The following TEX52 variants were observed in gnomAD, a reference collection of about 807,000 sequenced individuals.
The protein encoded by TEX52 is testis expressed 52.
A neutral mutation model predicts 17.6 loss-of-function variants in TEX52; 22 were observed. The observed-to-expected ratio is 1.25, with a 90% confidence interval of 0.89 to 1.78. TEX52 has a LOEUF of 1.78. Among genes scored for constraint, TEX52 ranks in the 40% most tolerant of loss-of-function variants. The pLI is 0.00. For missense variants in TEX52, 396 were observed against 372.3 expected, an observed-to-expected ratio of 1.06 and a Z score of -0.52; for synonymous variants, 168 against 147.4, an observed-to-expected ratio of 1.14 and a Z score of -1.01.
chr12:2,847,748 T>C (rs377583602), downstream of TEX52, among the ~76,000 whole-genome samples: 1 of 152,076 alleles, frequency 6.6e-6, no homozygotes. Context: ...TATTCAACTT[T>C]CTGTCTCTAT....
At chr12:2,853,326 A>T (rs1425208672) in intron 2 of TEX52, among the ~76,000 whole-genome samples, 1 of 151,892 alleles carries the variant, frequency 6.6e-6, no homozygotes, top group South Asian at 2.1e-4. Flanking sequence ...CCCAGGCTGG[A>T]GTGCAGTGGC....
rs769370652 is a variant in TEX52 at position 2,856,966 on chromosome 12, G to T, written c.61C>A (p.Pro21Thr). 1.2e-4 allele frequency: 81 copies of T among 703,046 alleles called. No homozygotes were observed. The highest frequency in any genetic ancestry group is 1.1e-3 in the African/African-American group (62 of 57,398). 43.6% of individuals were successfully genotyped at this position (703,046 alleles called of 1,614,324 possible). A position where few individuals can be genotyped will look rare whatever the true frequency, so the allele number is the denominator to read the frequency against. Residue 21 changes from proline (P) to threonine (T), a missense_variant, in exon 1 of 3, where the codon CCT becomes ACT. By Grantham distance (38) the Pro-to-Thr change is conservative (BLOSUM62 -1). Transcript: ENST00000637658. The part of the protein sequence containing the change: ...GPSHPSHMEE[P>T]FLQMVQASES... ...GGGCCACCCCCTACCTGCAGGAAAG[G>T]TTCTTCCATATGAGATGGGTGACTG... is the stretch of plus-strand genomic sequence containing the variant.
intron 2 of TEX52, among the ~76,000 whole-genome samples, chr12:2,853,603 T>C (rs533609606): frequency 6.8e-6 from 1 of 147,110 alleles, no homozygotes; most frequent in South Asian, 2.4e-4. Context: ...TTGTTTTTGT[T>C]TTTGTTTTTG....
chr12:2,854,065 G>C (rs2098079641), intron 2 of TEX52, among the ~76,000 whole-genome samples: 2 of 152,054 alleles, frequency 1.3e-5, no homozygotes, highest in South Asian at 4.1e-4. Context: ...CTCTCTTGTT[G>C]CCCCGGCTGG....
At chr12:2,856,696 T>C (rs143506282) in intron 1 of TEX52, among the ~76,000 whole-genome samples, 1 of 152,308 alleles carries the variant, frequency 6.6e-6, no homozygotes, top group East Asian at 1.9e-4. Flanking sequence ...AACCCACCTG[T>C]TTCTTGAGCT....
Position 2,854,795 on chromosome 12 carries a change from G to C in TEX52, c.623+101C>G, listed in dbSNP as rs940629208. 3 of 1,234,378 alleles carry C rather than the reference G, an allele frequency of 2.4e-6. No individual in the cohort carries two copies. The Admixed American group carries it at 8.2e-5, about 34-fold the overall frequency. 76.5% of individuals were successfully genotyped at this position (1,234,378 alleles called of 1,614,324 possible). A position where few individuals can be genotyped will look rare whatever the true frequency, so the allele number is the denominator to read the frequency against. On this transcript the variant is annotated intron_variant, in intron 2 of 2. Transcript: ENST00000637658. ...AGTTTGGTTTTCAGATGGCCAGAGC[G>C]GGGAAGGACAGAGTCCCGGTTAGAA...
intron 2 of TEX52, among the ~76,000 whole-genome samples, chr12:2,852,788 G>A (rs538590460): frequency 3.7e-4 from 56 of 152,082 alleles, no homozygotes; most frequent in Non-Finnish European, 5.0e-4. Flanking sequence ...GCCTGAGGTC[G>A]GGAGTTCAAG....
At chr12:2,856,009 A>T (rs577675409) in intron 1 of TEX52, among the ~76,000 whole-genome samples, 10 of 152,256 alleles carry the variant, frequency 6.6e-5, no homozygotes, top group Non-Finnish European at 1.2e-4. Flanking sequence ...TATAGAAAGC[A>T]TCTAGAATGG....
intron 2 of TEX52, among the ~76,000 whole-genome samples, chr12:2,852,510 G>T (rs1032529380): frequency 6.6e-6 from 1 of 152,126 alleles, no homozygotes; most frequent in Non-Finnish European, 1.5e-5. Flanking sequence ...GGGATTATGG[G>T]CATGTGCCAC....
At chr12:2,850,989 T>G (rs1452986555) in intron 2 of TEX52, among the ~76,000 whole-genome samples, 1 of 141,046 alleles carries the variant, frequency 7.1e-6, no homozygotes, top group Non-Finnish European at 1.5e-5. Context: ...TTTTTTTTTT[T>G]TTTTTTTTTT....
At position 2,853,381 on chromosome 12, in the gene TEX52, C is replaced by T. The variant is rs532108636; in HGVS notation, c.623+1515G>A. Among the ~76,000 whole-genome samples, 9 of 152,022 alleles carry T rather than the reference C, an allele frequency of 5.9e-5. No homozygotes were observed. In the South Asian group the frequency reaches 6.2e-4, roughly 11 times the overall value. On this transcript the variant is annotated intron_variant, in intron 2 of 2. Transcript: ENST00000637658. ...TCCACCTCCCGGGTTCAAGTGATTC[C>T]CCTGCCTCAGCCTCCTGAGTAGCTG... is the stretch of plus-strand genomic sequence containing the variant.
In TEX52 at chr12:2,857,008, T is replaced by C. The variant is rs761232358; in HGVS notation, c.19A>G (p.Arg7Gly). MASNRQ[R>G]SLRGPSHPSH... Reference sequence around the variant, plus strand: ...GGGTGACTGGGCCCTCTGAGTGATCTTTGCCGGTTACTGGCCATTCTTCTG... The same window carrying C: ...GGGTGACTGGGCCCTCTGAGTGATCCTTGCCGGTTACTGGCCATTCTTCTG... Residue 7 changes from arginine (R) to glycine (G), a missense_variant, in exon 1 of 3, where the codon AGA (arginine) becomes GGA (glycine). Coordinates refer to ENST00000637658, the MANE Select transcript of TEX52 (RefSeq NM_001365174.2). The C allele has an allele frequency of 8.5e-6, 6 of 702,890 alleles. No individual in the cohort carries two copies. Among genetic ancestry groups the C allele is most frequent in the Non-Finnish European group, 1.6e-5 (6 of 385,006 alleles). 43.5% of individuals were successfully genotyped at this position (702,890 alleles called of 1,614,324 possible). A position where few individuals can be genotyped will look rare whatever the true frequency, so the allele number is the denominator to read the frequency against.
intron 2 of TEX52, among the ~76,000 whole-genome samples, chr12:2,853,658 A>G (rs1212406473): frequency 1.3e-5 from 2 of 150,522 alleles, no homozygotes; most frequent in Non-Finnish European, 2.9e-5. Context: ...CCAACTCCCC[A>G]GTGCTTTGGT....
intron 2 of TEX52, among the ~76,000 whole-genome samples, chr12:2,853,785 A>G (rs1241126350): frequency 1.3e-5 from 2 of 151,982 alleles, no homozygotes; most frequent in African/African-American, 4.8e-5. Flanking sequence ...GTGAGTTCCC[A>G]GGGTGGCCGG....
In TEX52 at chr12:2,851,291, T is replaced by C. The variant is rs539195033; in HGVS notation, c.624-1766A>G. Among the ~76,000 whole-genome samples, 5 of 152,208 alleles carry C rather than the reference T, an allele frequency of 3.3e-5. No homozygotes were observed. In the East Asian group the frequency reaches 9.7e-4, roughly 29 times the overall value. ...GAGTGAATGTGAAGGCCTAGGACAT[T>C]ACTGTACACTACTGTGGACTTCATA... is the stretch of plus-strand genomic sequence containing the variant. On this transcript the variant is annotated intron_variant, in intron 2 of 2. Transcript: ENST00000637658.
intron 2 of TEX52, among the ~76,000 whole-genome samples, chr12:2,854,173 C>T (rs1381245051): frequency 1.3e-5 from 2 of 151,944 alleles, no homozygotes; most frequent in Non-Finnish European, 2.9e-5. Flanking sequence ...TTGCAGGCAC[C>T]CATCACCACA....
At chr12:2,850,526 A>G (rs1387120614) in intron 2 of TEX52, among the ~76,000 whole-genome samples, 3 of 150,894 alleles carry the variant, frequency 2.0e-5, no homozygotes, top group Non-Finnish European at 2.9e-5. Context: ...ATGGGCTGCC[A>G]GGTTTACATG....
rs896616910 is a variant in TEX52, at chr12:2,849,311, A to T, written c.838T>A (p.Leu280Ile). The T allele has an allele frequency of 1.2e-5, 19 of 1,535,932 alleles. No individual in the cohort carries two copies. In the East Asian group the frequency reaches 2.2e-4, roughly 18 times the overall value. ...GCCTTGGAGAGATGGTGGAGGGGTA[A>T]GGCAGTTCTGTCCTTTATCAGGGTT... The part of the protein sequence containing the change: ...FQTLIKDRTA[L>I]PLHHLSKAQA... Residue 280 changes from leucine to isoleucine, a missense_variant, in exon 3 of 3, where the codon TTA (leucine) becomes ATA (isoleucine). Physicochemically the swap from Leu to Ile is conservative, Grantham distance 5. Transcript: ENST00000637658.
At chr12:2,852,364 G>T (rs1240638816) in intron 2 of TEX52, among the ~76,000 whole-genome samples, 2 of 151,496 alleles carry the variant, frequency 1.3e-5, no homozygotes, top group East Asian at 4.0e-4. Flanking sequence ...CCTGCTGTGG[G>T]AACTGTTTTT....
Sources: allele counts gnomAD v4.1 joint callset (sites outside exome capture counted in the v4.1 genomes callset), GRCh38; gene constraint gnomAD v4.1.1; transcripts MANE v1.5; gene names NCBI Gene and HGNC (gene_info 2026-07-23, HGNC 2026-07-21).